The following MINK1 variants were observed in gnomAD, a reference collection of about 807,000 sequenced individuals.
MINK1 encodes misshapen-like kinase 1.
MINK1 carries 46 observed loss-of-function variants against 178.4 expected under a neutral mutation model. The ratio of observed to expected loss-of-function variants is 0.26; its 90% CI spans 0.20 to 0.33. The LOEUF is 0.33. MINK1 is among the 10% of genes least tolerant of loss of function. The pLI is 1.00. For synonymous variants in MINK1, 797 were observed against 709.7 expected (o/e 1.12, Z -1.96); for missense variants, 1,366 against 1,814.9 (o/e 0.75, Z 4.49).
chr17:4,833,617 G>A lies in MINK1; in HGVS notation c.34G>A (p.Asp12Asn). ...GDPAPARSLD[D>N]IDLSALRDPA... ...CCCAGCCCCCGCCCGCAGCCTGGAC[G>A]ACATCGACCTGTCCGCCCTGCGGGT... Residue 12 changes from aspartate to asparagine, a missense_variant, in exon 1 of 32, where the codon GAC becomes AAC. By Grantham distance (23) the Asp-to-Asn change is conservative (BLOSUM62 1). Coordinates refer to ENST00000355280, the MANE Select transcript of MINK1 (RefSeq NM_153827.5). The surrounding 1 kb of genome is among the most constrained non-coding windows in gnomAD (Gnocchi z 4.8). 1 of 1,500,470 alleles carries A rather than the reference G, an allele frequency of 6.7e-7. No individual in the cohort carries two copies. The highest frequency in any genetic ancestry group is 1.2e-5 in the South Asian group (1 of 80,452). 92.9% of individuals were successfully genotyped at this position (1,500,470 alleles called of 1,614,324 possible). A position where few individuals can be genotyped will look rare whatever the true frequency, so the allele number is the denominator to read the frequency against.
intron 1 of MINK1, among the ~76,000 whole-genome samples, chr17:4,866,460 C>T (rs1368194791): frequency 4.7e-5 from 7 of 149,824 alleles, no homozygotes; most frequent in African/African-American, 1.7e-4. Flanking sequence ...AGTGAGACTC[C>T]GTCTCAAAAT....
In MINK1 at chr17:4,895,169, C is replaced by T. The variant is rs568793368; in HGVS notation, c.3012C>T (p.Ala1004=). 8.5e-5 allele frequency: 137 copies of T among 1,614,082 alleles called. 2 individuals are homozygous for T. In the South Asian group the frequency reaches 1.4e-3, roughly 17 times the overall value. Residue 1004 remains alanine, a synonymous_variant, in exon 25 of 32, where the codon GCC becomes GCT. Transcript: ENST00000355280. The surrounding 1 kb of genome is among the most constrained non-coding windows in gnomAD (Gnocchi z 4.3). ...VVNVNPTNTR[A]HSETPEIRKY... ...ACGTGAATCCCACCAACACCCGGGC[C>T]CACAGTGAGACCCCTGAGATCCGGA...
Position 4,886,030 on chromosome 17 carries a change from GGAGGAGGTGGGTCCTGGGACCCTGCC to G in MINK1, c.694+71_695-59del. The G allele has an allele frequency of 1.2e-6, 2 of 1,609,342 alleles. No individual in the cohort carries two copies. On this transcript the variant is annotated intron_variant, in intron 8 of 31. Transcript: ENST00000355280. The surrounding 1 kb of genome is among the most constrained non-coding windows in gnomAD (Gnocchi z 6.1). ...GGAAGGGCCCAGAGAGTGGCTGTAG[GGAGGAGGTGGGTCCTGGGACCCTGCC>G]GAGGAAGGGTCCTGTAGCTCCCAGT...
chr17:4,896,176 C>G lies in MINK1; in HGVS notation c.3466-17C>G, dbSNP rs772625689. 1.9e-6 allele frequency: 3 copies of G among 1,600,442 alleles called. No homozygotes were observed. The highest frequency in any genetic ancestry group is 2.2e-5 in the South Asian group (2 of 89,142). ...TCCCCGTGCCCCTGAGCCCTCCTCT[C>G]CTCCGGTTCTCTGCAGTCCTTTGCC... On this transcript the variant is annotated splice_polypyrimidine_tract_variant and intron_variant, in intron 28 of 31. Transcript: ENST00000355280. The surrounding 1 kb of genome is among the most constrained non-coding windows in gnomAD (Gnocchi z 4.6).
chr17:4,877,019 C>CT (rs1030630103), intron 1 of MINK1, among the ~76,000 whole-genome samples: 2 of 151,592 alleles, frequency 1.3e-5, no homozygotes, highest in Non-Finnish European at 2.9e-5. Context: ...GCCCAGGAGA[C>CT]TGAGGCTGCA....
At chr17:4,844,111 C>A (rs1217036349) in intron 1 of MINK1, among the ~76,000 whole-genome samples, 3 of 152,114 alleles carry the variant, frequency 2.0e-5, no homozygotes, top group African/African-American at 7.2e-5. Flanking sequence ...CAAGATCCTC[C>A]TGTCTCAGCC....
chr17:4,889,583 A>C (rs1243940700), intron 12 of MINK1, 64 bp from the exon 13 acceptor site: 1 of 1,366,078 alleles, frequency 7.3e-7, no homozygotes, highest in Non-Finnish European at 1.0e-6. Flanking sequence ...CTCCCTGTCC[A>C]TGGAGGGGCA....
intron 2 of MINK1, 140 bp downstream of exon 2, chr17:4,878,522 T>C: frequency 1.3e-6 from 1 of 742,926 alleles, no homozygotes; most frequent in East Asian, 3.0e-5. Context: ...AAAGGTAGAG[T>C]GGGGGAGAGG....
chr17:4,882,123 G>A (rs1567601709), intron 4 of MINK1, among the ~76,000 whole-genome samples: 1 of 152,258 alleles, frequency 6.6e-6, no homozygotes, highest in Non-Finnish European at 1.5e-5. Context: ...TGCCAGGTGT[G>A]TGTGGTGGAG....
intron 1 of MINK1, among the ~76,000 whole-genome samples, chr17:4,859,582 G>C (rs559907023): frequency 6.6e-5 from 10 of 152,140 alleles, no homozygotes; most frequent in Non-Finnish European, 1.5e-4. Context: ...GAGGTCAGGA[G>C]TTCGAGACCA....
At position 4,839,289 on chromosome 17, in the gene MINK1, C is replaced by T. The variant is rs190900408; in HGVS notation, c.57+5649C>T. Among the ~76,000 whole-genome samples the T allele has an allele frequency of 7.5e-4, 114 of 152,276 alleles. 1 individual carries two copies. The highest frequency in any genetic ancestry group is 2.6e-3 in the African/African-American group (110 of 41,550). On this transcript the variant is annotated intron_variant, in intron 1 of 31. Transcript: ENST00000355280. ...TACTGTTTTCCTCAATATCCTGCAA[C>T]CTTCAAGGTTGGGACATTTTTGTTA... is the stretch of plus-strand genomic sequence containing the variant.
At chr17:4,842,076 T>C (rs557568219) in intron 1 of MINK1, among the ~76,000 whole-genome samples, 250 of 151,874 alleles carry the variant, frequency 1.6e-3, no homozygotes, top group African/African-American at 5.7e-3. Context: ...AAAAAAAAAT[T>C]AGCCGGGCGC....
At position 4,891,058 on chromosome 17, in the gene MINK1, C is replaced by T; in HGVS notation, c.1674C>T (p.Pro558=). The T allele has an allele frequency of 6.4e-7, 1 of 1,554,384 alleles. No homozygotes were observed. The highest frequency in any genetic ancestry group is 8.7e-7 in the Non-Finnish European group (1 of 1,149,244). Residue 558 remains proline, a synonymous_variant, in exon 15 of 32, where the codon CCC becomes CCT. Transcript: ENST00000355280. The part of the protein sequence containing the change: ...EPPIPQASPG[P]PGPLSQTPPM... ...CCATCCCCCAGGCCTCCCCAGGGCC[C>T]CCAGGACCCCTTTCCCAGACTCCTC...
intron 1 of MINK1, chr17:4,870,994 C>A (rs1915793972): frequency 7.7e-6 from 2 of 258,334 alleles, no homozygotes; most frequent in Non-Finnish European, 8.5e-6. Context: ...CCTCCCAGCC[C>A]CTGGCAACCA....
chr17:4,867,078 A>AATAATAATAAT (rs1555533518), intron 1 of MINK1, among the ~76,000 whole-genome samples: 1 of 142,424 alleles, frequency 7.0e-6, no homozygotes, highest in African/African-American at 2.6e-5. Context: ...GTCTCAAAAT[A>AATAATAATAAT]ATAATAATAA....
At chr17:4,889,948 T>G in intron 13 of MINK1, 185 bp downstream of exon 13, 8 of 546,110 alleles carry the variant, frequency 1.5e-5, no homozygotes, top group African/African-American at 2.2e-5. Context: ...TCCCTCTTCC[T>G]TCCCTGCCTC....
intron 1 of MINK1, among the ~76,000 whole-genome samples, chr17:4,848,190 A>G (rs1911330713): frequency 6.6e-6 from 1 of 152,160 alleles, no homozygotes; most frequent in South Asian, 2.1e-4. Flanking sequence ...ATGGGGATTG[A>G]CTTGTGAAGA....
rs1331179202 is a variant in MINK1, at chr17:4,836,689, GAT to G, written c.57+3051_57+3052del. Among the ~76,000 whole-genome samples the G allele has an allele frequency of 6.6e-6, 1 of 152,158 alleles. No homozygotes were observed. The highest frequency in any genetic ancestry group is 1.9e-4 in the East Asian group (1 of 5,202). On this transcript the variant is annotated intron_variant, in intron 1 of 31. Coordinates refer to ENST00000355280, the MANE Select transcript of MINK1 (RefSeq NM_153827.5). This position sits in a 1 kb window ranked among gnomAD's most constrained non-coding sequence, Gnocchi z 4.3. ...CCCAGCACACAGTGATCATATATGT[GAT>G]AGCCCTTTTTGCAGTTATTTTTATC...
intron 19 of MINK1, 99 bp downstream of exon 19, chr17:4,892,867 G>C: frequency 7.2e-7 from 1 of 1,382,830 alleles, no homozygotes; most frequent in South Asian, 1.3e-5. Flanking sequence ...CACACGGACA[G>C]GGAGGACCTG....
Sources: gnomAD v4.1 joint callset for allele counts (sites outside exome capture counted in the v4.1 genomes callset) on GRCh38, gnomAD v4.1.1 for gene constraint, Gnocchi (gnomAD v3.1) non-coding constraint, MANE v1.5 for transcripts, NCBI Gene and HGNC (gene_info 2026-07-23, HGNC 2026-07-21) for gene names.